Variants in PGBD5 observed in about 807,000 individuals in gnomAD.
The protein encoded by PGBD5 is piggyBac transposable element derived 5, also known as piggyBac transposable element-derived protein 5.
PGBD5 carries 14 observed loss-of-function variants against 47.9 expected under a neutral mutation model. That is an observed-to-expected ratio of 0.29 (90% confidence interval 0.19 to 0.46). The LOEUF is 0.46. Among genes scored for constraint, PGBD5 ranks in the 20% least tolerant of loss-of-function variants. The pLI, the probability that PGBD5 is intolerant of heterozygous loss-of-function variation, is 1.00. For synonymous variants in PGBD5, 316 were observed against 306.3 expected, an observed-to-expected ratio of 1.03 and a Z score of -0.33; for missense variants, 635 against 716.0, an observed-to-expected ratio of 0.89 and a Z score of 1.29.
intron 1 of PGBD5, among the ~76,000 whole-genome samples, chr1:230,387,651 T>C (rs1656677106): frequency 6.6e-6 from 1 of 152,146 alleles, no homozygotes; most frequent in Non-Finnish European, 1.5e-5. Flanking sequence ...AGAGAGGCCA[T>C]GGCTTGTAGA....
chr1:230,342,910 G>T (rs1351601889), intron 3 of PGBD5, among the ~76,000 whole-genome samples: 1 of 152,180 alleles, frequency 6.6e-6, no homozygotes, highest in African/African-American at 2.4e-5. Context: ...AGCCACACTG[G>T]TCACAATGCA....
chr1:230,333,823 C>G (rs142313066), intron 4 of PGBD5, among the ~76,000 whole-genome samples: 4 of 152,260 alleles, frequency 2.6e-5, no homozygotes, highest in Non-Finnish European at 4.4e-5. Context: ...GCGGTAGAGA[C>G]CAGTATGAAC....
intron 1 of PGBD5, among the ~76,000 whole-genome samples, chr1:230,384,206 G>A (rs554649902): frequency 4.5e-4 from 68 of 152,250 alleles, no homozygotes; most frequent in African/African-American, 1.6e-3. Flanking sequence ...TGAACGTCAT[G>A]TTAACAAAAA....
Position 230,316,163 on chromosome 1 carries a change from TGTATAC to T in PGBD5, c.*7256_*7261del, listed in dbSNP as rs1666946233. The T allele has an allele frequency of 7.1e-6, 1 of 141,202 alleles. No homozygotes were observed. The highest frequency in any genetic ancestry group is 1.5e-5 in the Non-Finnish European group (1 of 65,244). The allele number at this position is 141,202 out of a possible 1,614,324, so 8.7% of individuals were successfully genotyped here. A position where few individuals can be genotyped will look rare whatever the true frequency, so the allele number is the denominator to read the frequency against. On this transcript the variant is annotated 3_prime_UTR_variant, in exon 7 of 7. Coordinates refer to ENST00000391860, the MANE Select transcript of PGBD5 (RefSeq NM_001258311.2). The stretch of plus-strand genomic sequence containing the variant: ...GTATATGTGTACACATATATGTATG[TGTATAC>T]ATACATACGTACACATGTGCATGTG...
rs149014857 is a variant in PGBD5, at chr1:230,419,763, C to T, written c.331+5835G>A. Among the ~76,000 whole-genome samples the T allele has an allele frequency of 1.1e-4, 16 of 152,218 alleles. No individual in the cohort carries two copies. In the East Asian group the frequency reaches 1.7e-3, roughly 17 times the overall value. On this transcript the variant is annotated intron_variant, in intron 1 of 6. Transcript: ENST00000391860. ...ACAGATATCAAAACCCTTTAAAATACGCAAAATCCTTACCTCAATATTGCT... is the reference window on the plus strand; with the variant it reads ...ACAGATATCAAAACCCTTTAAAATATGCAAAATCCTTACCTCAATATTGCT...
rs1291513659 is a variant in PGBD5 at position 230,314,828 on chromosome 1, G to T, written c.*8597C>A. 6 of 152,120 alleles carry T rather than the reference G, an allele frequency of 3.9e-5. No homozygotes were observed. The highest frequency in any genetic ancestry group is 1.4e-4 in the African/African-American group (6 of 41,416). 9.4% of individuals were successfully genotyped at this position (152,120 alleles called of 1,614,324 possible). On this transcript the variant is annotated 3_prime_UTR_variant, in exon 7 of 7. Transcript: ENST00000391860. ...GTGAAAGATTCTTAACTGGAAATTG[G>T]AAGGGAAAACAAGAAGAAACAATGT...
rs1666959975 is a variant in PGBD5 at position 230,316,876 on chromosome 1, G to T, written c.*6549C>A. 1 of 152,272 alleles carries T rather than the reference G, an allele frequency of 6.6e-6. No homozygotes were observed. The highest frequency in any genetic ancestry group is 1.5e-5 in the Non-Finnish European group (1 of 68,068). The allele number at this position is 152,272 out of a possible 1,614,324, so 9.4% of individuals were successfully genotyped here. Reference sequence around the variant, plus strand: ...AGCTGGGAACACCGTCCCTGCTCATGTTTGGGGCGTGCTCCCCAGATACAC... The same window carrying T: ...AGCTGGGAACACCGTCCCTGCTCATTTTTGGGGCGTGCTCCCCAGATACAC... On this transcript the variant is annotated 3_prime_UTR_variant, in exon 7 of 7. Transcript: ENST00000391860.
intron 1 of PGBD5, among the ~76,000 whole-genome samples, chr1:230,415,650 C>T (rs1229568644): frequency 6.6e-6 from 1 of 152,180 alleles, no homozygotes; most frequent in Non-Finnish European, 1.5e-5. Context: ...AGATGACAGA[C>T]CTCAGTGAGA....
At chr1:230,384,420 C>A (rs941956048) in intron 1 of PGBD5, among the ~76,000 whole-genome samples, 2 of 151,902 alleles carry the variant, frequency 1.3e-5, no homozygotes, top group Non-Finnish European at 2.9e-5. Flanking sequence ...TGGGGAGAGA[C>A]CAACCCAGGT....
intron 2 of PGBD5, among the ~76,000 whole-genome samples, chr1:230,351,333 T>C (rs1667558219): frequency 6.6e-6 from 1 of 152,238 alleles, no homozygotes; most frequent in Non-Finnish European, 1.5e-5. Flanking sequence ...CCGGCCCTGA[T>C]ACACAGTAGA....
rs1572190586 is a variant in PGBD5, at chr1:230,319,507, T to G, written c.*3918A>C. 6.6e-6 allele frequency: 1 copy of G among 151,852 alleles called. No homozygotes were observed. Among genetic ancestry groups the G allele is most frequent in the South Asian group, 2.1e-4 (1 of 4,790 alleles). 9.4% of individuals were successfully genotyped at this position (151,852 alleles called of 1,614,324 possible). On this transcript the variant is annotated 3_prime_UTR_variant, in exon 7 of 7. Transcript: ENST00000391860. ...TGCAAGGCCCCATGGCCCTCCCGGGTTTGCCCTGCTTCCTCTCAGCCTGAT... is the reference window on the plus strand; with the variant it reads ...TGCAAGGCCCCATGGCCCTCCCGGGGTTGCCCTGCTTCCTCTCAGCCTGAT...
intron 1 of PGBD5, chr1:230,377,359 A>C (rs955250992): frequency 1.1e-6 from 1 of 935,748 alleles, no homozygotes; most frequent in Non-Finnish European, 1.6e-6. Context: ...ATGGCCATCC[A>C]GGTGAAATGC....
At position 230,320,445 on chromosome 1, in the gene PGBD5, G is replaced by C. The variant is rs1667017589; in HGVS notation, c.*2980C>G. 6.6e-6 allele frequency: 1 copy of C among 152,198 alleles called. No homozygotes were observed. Among genetic ancestry groups the C allele is most frequent in the South Asian group, 2.1e-4 (1 of 4,828 alleles). 9.4% of individuals were successfully genotyped at this position (152,198 alleles called of 1,614,324 possible). On this transcript the variant is annotated 3_prime_UTR_variant, in exon 7 of 7. Coordinates refer to ENST00000391860, the MANE Select transcript of PGBD5 (RefSeq NM_001258311.2). ...GGGTGTTTTGTTTTGCATAAGGCTGGGAAGCTCATTGCTCCATCTTTTTTT... is the reference window on the plus strand; with the variant it reads ...GGGTGTTTTGTTTTGCATAAGGCTGCGAAGCTCATTGCTCCATCTTTTTTT...
chr1:230,329,123 G>GGGGT (rs1553281238), intron 5 of PGBD5, among the ~76,000 whole-genome samples: 1 of 82,398 alleles, frequency 1.2e-5, no homozygotes. Flanking sequence ...ATTTTTTTTT[G>GGGGT]GGGGGGGAGG....
At chr1:230,404,631 T>A (rs1209860094) in intron 1 of PGBD5, among the ~76,000 whole-genome samples, 1,382 of 113,310 alleles carry the variant, frequency 0.012, 9 homozygotes, top group East Asian at 0.044. Flanking sequence ...AAAAAAAAAA[T>A]ATATATATAT....
At chr1:230,331,508 C>G (rs1366026538) in intron 5 of PGBD5, among the ~76,000 whole-genome samples, 2 of 152,168 alleles carry the variant, frequency 1.3e-5, no homozygotes, top group African/African-American at 4.8e-5. Context: ...CGTCCTGCAC[C>G]AAGACCCTCA....
chr1:230,343,225 C>T (rs1030789873), intron 3 of PGBD5, among the ~76,000 whole-genome samples: 1 of 152,186 alleles, frequency 6.6e-6, no homozygotes, highest in African/African-American at 2.4e-5. Flanking sequence ...GGAGCCTTGC[C>T]TTCATCTCAT....
intron 2 of PGBD5, among the ~76,000 whole-genome samples, chr1:230,352,494 G>A (rs1450932971): frequency 6.6e-6 from 1 of 152,076 alleles, no homozygotes; most frequent in African/African-American, 2.4e-5. Context: ...ATGGAAGGTG[G>A]GCTGAGGTTG....
intron 1 of PGBD5, among the ~76,000 whole-genome samples, chr1:230,369,567 CCA>C (rs1553285995): frequency 3.3e-5 from 5 of 152,164 alleles, no homozygotes; most frequent in Non-Finnish European, 7.3e-5. Flanking sequence ...CTGATTGACC[CCA>C]CACACCTGGC....
Sources: gnomAD v4.1 joint callset for allele counts (sites outside exome capture counted in the v4.1 genomes callset) on GRCh38, gnomAD v4.1.1 for gene constraint, MANE v1.5 for transcripts, NCBI Gene and HGNC (gene_info 2026-07-23, HGNC 2026-07-21) for gene names.